The following TXLNB variants were observed in gnomAD, a reference collection of about 807,000 sequenced individuals.
The protein encoded by TXLNB is beta-taxilin.
Under a neutral mutation model 57.4 loss-of-function variants are expected in TXLNB, and 37 were observed. The ratio of observed to expected loss-of-function variants is 0.64; its 90% confidence interval spans 0.50 to 0.85. The LOEUF is 0.85. Among genes scored for constraint, TXLNB ranks in the 40% least tolerant of loss-of-function variants. The pLI is 0.00. For synonymous variants in TXLNB, 302 were observed against 309.6 expected (o/e 0.98, Z 0.26); for missense variants, 848 against 825.6 (o/e 1.03, Z -0.33).
At chr6:139,178,659 C>G in the TXLNB span, 1 of 152,054 alleles carries the variant, frequency 6.6e-6, no homozygotes, top group Admixed American at 6.5e-5. Context: ...ACTGCAACCT[C>G]TGCCTCCTGG....
At chr6:139,310,544 C>G in the TXLNB span, among the ~76,000 whole-genome samples, 1 of 152,258 alleles carries the variant, frequency 6.6e-6, no homozygotes, top group Non-Finnish European at 1.5e-5. Flanking sequence ...CACTCTATCT[C>G]TCTGTCTAAT....
the TXLNB span, among the ~76,000 whole-genome samples, chr6:139,319,261 A>ATT: frequency 1.5e-3 from 190 of 130,180 alleles, 1 homozygote; most frequent in South Asian, 4.7e-3. Context: ...TCCCTTTAAA[A>ATT]TTTTTTTTTT....
chr6:139,214,322 A>G, the TXLNB span, among the ~76,000 whole-genome samples: 1 of 152,234 alleles, frequency 6.6e-6, no homozygotes, highest in South Asian at 2.1e-4. Flanking sequence ...GGCTGGTTCA[A>G]CATATGCAAA....
At chr6:139,206,496 A>G in the TXLNB span, among the ~76,000 whole-genome samples, 11 of 152,172 alleles carry the variant, frequency 7.2e-5, no homozygotes, top group African/African-American at 2.4e-4. Flanking sequence ...GTGAAACCCC[A>G]TCTCTACTAA....
chr6:139,171,854 G>A, the TXLNB span, among the ~76,000 whole-genome samples: 1 of 150,612 alleles, frequency 6.6e-6, no homozygotes, highest in African/African-American at 2.4e-5. Flanking sequence ...TTTTTGTGAC[G>A]GGGTTTCACT....
chr6:139,247,778 G>C, intron 8 of TXLNB, 39 bp downstream of exon 8: 1 of 1,430,546 alleles, frequency 7.0e-7, no homozygotes, highest in Non-Finnish European at 9.7e-7. Context: ...TGTCAAAATA[G>C]AAAATGTCAA....
the TXLNB span, among the ~76,000 whole-genome samples, chr6:139,176,330 A>G: frequency 6.6e-6 from 1 of 152,334 alleles, no homozygotes; most frequent in African/African-American, 2.4e-5. This position sits in a 1 kb window ranked among gnomAD's most constrained non-coding sequence, Gnocchi z 4.5. Flanking sequence ...TTTTAAGTAC[A>G]TTTTTAAAAT....
chr6:139,274,805 T>G (rs1352959672), intron 3 of TXLNB, among the ~76,000 whole-genome samples: 1 of 152,100 alleles, frequency 6.6e-6, no homozygotes, highest in East Asian at 1.9e-4. Context: ...CGCTGGAAAC[T>G]AAACATGAAT....
chr6:139,219,174 T>C, the TXLNB span, among the ~76,000 whole-genome samples: 1 of 152,214 alleles, frequency 6.6e-6, no homozygotes, highest in Non-Finnish European at 1.5e-5. Flanking sequence ...TTGGTTTCAT[T>C]TGTTCAGAGA....
the TXLNB span, among the ~76,000 whole-genome samples, chr6:139,316,842 C>T: frequency 6.6e-6 from 1 of 151,852 alleles, no homozygotes; most frequent in Non-Finnish European, 1.5e-5. Context: ...TGTAAGTGGC[C>T]CAGGTGAGAG....
chr6:139,282,432 C>G (rs907226130), intron 2 of TXLNB, among the ~76,000 whole-genome samples: 1 of 144,668 alleles, frequency 6.9e-6, no homozygotes, highest in African/African-American at 2.6e-5. Context: ...TAAAAATTGG[C>G]CATGCATGGT....
At chr6:139,251,714 C>A (rs1049988180) in intron 7 of TXLNB, 1 of 152,228 alleles carries the variant, frequency 6.6e-6, no homozygotes, top group African/African-American at 2.4e-5. Context: ...GGCCAAGTGA[C>A]AAACACAGTC....
At chr6:139,175,167 T>C in the TXLNB span, among the ~76,000 whole-genome samples, 1 of 152,152 alleles carries the variant, frequency 6.6e-6, no homozygotes, top group Admixed American at 6.5e-5. Context: ...TATTCACATA[T>C]GAAAACACAA....
chr6:139,227,148 GAC>G, the TXLNB span, among the ~76,000 whole-genome samples: 23 of 152,122 alleles, frequency 1.5e-4, no homozygotes, highest in African/African-American at 5.3e-4. Flanking sequence ...TTGCCAGCCT[GAC>G]CAACATGGCA....
the TXLNB span, among the ~76,000 whole-genome samples, chr6:139,317,398 AG>A: frequency 2.7e-4 from 40 of 146,260 alleles, no homozygotes; most frequent in African/African-American, 1.1e-3. Context: ...ATAAAGACAG[AG>A]GTTTTTTTTT....
At chr6:139,290,688 T>C (rs1265650913) in intron 1 of TXLNB, among the ~76,000 whole-genome samples, 1 of 152,108 alleles carries the variant, frequency 6.6e-6, no homozygotes. Context: ...AGAGTTGCAA[T>C]AGATTTGGTT....
chr6:139,218,809 A>T, the TXLNB span, among the ~76,000 whole-genome samples: 1 of 152,138 alleles, frequency 6.6e-6, no homozygotes, highest in Non-Finnish European at 1.5e-5. Context: ...AACCCAAAAA[A>T]CCATTGAAGA....
the TXLNB span, chr6:139,167,191 A>T: frequency 1.2e-6 from 2 of 1,614,034 alleles, no homozygotes; most frequent in African/African-American, 2.7e-5. Context: ...CCAGCCACAG[A>T]AACGTGGTAA....
In TXLNB at chr6:139,243,134, A is replaced by T; in HGVS notation, c.1447T>A (p.Ser483Thr). The stretch of plus-strand genomic sequence containing the variant: ...TCTGCGTCAATCTCTTGATCCACAG[A>T]GACGTTTGACTCTGGCTCTTCATCG... ...NSDEEPESNV[S>T]VDQEIDAEEV... The change falls in exon 10 of 10, where the codon TCT (serine) becomes ACT (threonine). Residue 483 changes from serine (S) to threonine (T), a missense_variant. By Grantham distance (58) the Ser-to-Thr change is moderately conservative. Coordinates refer to ENST00000358430, the MANE Select transcript of TXLNB (RefSeq NM_153235.4). 5.6e-6 allele frequency: 9 copies of T among 1,614,112 alleles called. No individual in the cohort carries two copies. Among genetic ancestry groups the T allele is most frequent in the Non-Finnish European group, 7.6e-6 (9 of 1,180,026 alleles).
Sources: gnomAD v4.1 joint callset for allele counts (sites outside exome capture counted in the v4.1 genomes callset) on GRCh38, gnomAD v4.1.1 for gene constraint, Gnocchi (gnomAD v3.1) non-coding constraint, MANE v1.5 for transcripts, NCBI Gene and HGNC (gene_info 2026-07-23, HGNC 2026-07-21) for gene names.